LRRC4C: variants seen among roughly 807,000 people sequenced by gnomAD.
LRRC4C encodes the protein leucine rich repeat containing 4C.
A neutral mutation model predicts 33.6 loss-of-function variants in LRRC4C; 5 were observed. That is an observed-to-expected ratio of 0.15 (90% confidence interval 0.08 to 0.31). The LOEUF is 0.31. Ranked by LOEUF, LRRC4C falls within the 10% of genes least tolerant of loss-of-function variation. The probability of loss-of-function intolerance (pLI) is 1.00; values close to 1 mark genes in which losing one functional copy is unlikely to be tolerated. For synonymous variants in LRRC4C, 329 were observed against 302.0 expected (o/e 1.09, Z -0.93); for missense variants, 560 against 796.7 (o/e 0.70, Z 3.58).
intron 3 of LRRC4C, among the ~76,000 whole-genome samples, chr11:40,364,561 G>T (rs546033132): frequency 2.7e-4 from 41 of 152,034 alleles, no homozygotes; most frequent in South Asian, 1.9e-3. Context: ...GCAAGCAAAC[G>T]GAATACAAAT....
intron 1 of LRRC4C, among the ~76,000 whole-genome samples, chr11:41,119,894 C>T (rs531594867): frequency 1.3e-5 from 2 of 152,080 alleles, no homozygotes; most frequent in East Asian, 3.9e-4. Flanking sequence ...TCAGTTTTTG[C>T]TATTAAAAAA....
intron 3 of LRRC4C, among the ~76,000 whole-genome samples, chr11:40,465,629 T>C (rs1412998687): frequency 1.3e-5 from 2 of 151,738 alleles, no homozygotes; most frequent in East Asian, 3.9e-4. Flanking sequence ...CATCAAAAAG[T>C]GGGCAAAGTA....
In LRRC4C at chr11:40,945,023, CT is replaced by C. The variant is rs767515626; in HGVS notation, c.-495-11301del. Among the ~76,000 whole-genome samples the C allele has an allele frequency of 1.7e-3, 191 of 111,088 alleles. 2 individuals are homozygous for C. In the East Asian group the frequency reaches 0.019, roughly 11 times the overall value. The allele number at this position is 111,088 out of a possible 152,430, so 72.9% of individuals were successfully genotyped here. A position where few individuals can be genotyped will look rare whatever the true frequency, so the allele number is the denominator to read the frequency against. The stretch of plus-strand genomic sequence containing the variant: ...AGTGGTGTTCAACTTTGCAGTTTTT[CT>C]TTTTTTTTTTTTTTTTTTTTTGAGA... On this transcript the variant is annotated intron_variant, in intron 1 of 6. Transcript: ENST00000528697.
chr11:40,587,614 G>A (rs1293911777), intron 3 of LRRC4C, among the ~76,000 whole-genome samples: 1 of 149,536 alleles, frequency 6.7e-6, no homozygotes, highest in East Asian at 2.0e-4. Flanking sequence ...CTGTGGGTTT[G>A]TCATAGATAG....
intron 1 of LRRC4C, among the ~76,000 whole-genome samples, chr11:41,151,994 A>C (rs1590765576): frequency 6.6e-6 from 1 of 152,138 alleles, no homozygotes; most frequent in South Asian, 2.1e-4. Flanking sequence ...ACTTCCATTC[A>C]CCCAGACACA....
At chr11:40,371,250 C>T (rs541898908) in intron 3 of LRRC4C, among the ~76,000 whole-genome samples, 1 of 152,222 alleles carries the variant, frequency 6.6e-6, no homozygotes, top group South Asian at 2.1e-4. Flanking sequence ...CAAGCAATTT[C>T]ACAACATTAC....
chr11:41,184,927 G>T (rs1945623840), intron 1 of LRRC4C, among the ~76,000 whole-genome samples: 1 of 152,142 alleles, frequency 6.6e-6, no homozygotes, highest in Non-Finnish European at 1.5e-5. Flanking sequence ...GTGGATGGTG[G>T]CAGGCAAATA....
intron 3 of LRRC4C, among the ~76,000 whole-genome samples, chr11:40,596,769 T>C (rs1274636671): frequency 2.0e-5 from 3 of 152,194 alleles, no homozygotes; most frequent in East Asian, 1.9e-4. Context: ...GTTTTATCCA[T>C]GTGGTTGCAA....
intron 2 of LRRC4C, among the ~76,000 whole-genome samples, chr11:40,911,955 G>A (rs1369896799): frequency 6.6e-6 from 1 of 152,206 alleles, no homozygotes; most frequent in Non-Finnish European, 1.5e-5. Context: ...AGTGATGGAA[G>A]ATCAAATGAA....
intron 1 of LRRC4C, among the ~76,000 whole-genome samples, chr11:41,357,026 T>C (rs1952185762): frequency 6.6e-6 from 1 of 152,018 alleles, no homozygotes; most frequent in Non-Finnish European, 1.5e-5. Flanking sequence ...AGTGATTTGT[T>C]TACCTTGTTT....
rs79443435 is a variant in LRRC4C at position 41,174,591 on chromosome 11, C to T, written c.-495-240868G>A. Among the ~76,000 whole-genome samples, 14 of 152,022 alleles carry T rather than the reference C, an allele frequency of 9.2e-5. No homozygotes were observed. In the East Asian group the frequency reaches 2.5e-3, roughly 27 times the overall value. Reference sequence around the variant, plus strand: ...CTGCTCTGTTTTCCAGGATTATGTGCTATTGCAATTTTCTGTCATCATGTA... The same window carrying T: ...CTGCTCTGTTTTCCAGGATTATGTGTTATTGCAATTTTCTGTCATCATGTA... On this transcript the variant is annotated intron_variant, in intron 1 of 6. Coordinates refer to ENST00000528697, the MANE Select transcript of LRRC4C (RefSeq NM_001258419.2).
chr11:40,182,179 C>T (rs548221482), intron 5 of LRRC4C, among the ~76,000 whole-genome samples: 22 of 152,218 alleles, frequency 1.4e-4, no homozygotes, highest in Admixed American at 6.5e-4. Context: ...TTATTAAACA[C>T]TTTCTGCTAA....
At chr11:40,997,164 A>C (rs560281643) in intron 1 of LRRC4C, among the ~76,000 whole-genome samples, 4 of 152,230 alleles carry the variant, frequency 2.6e-5, no homozygotes, top group Non-Finnish European at 5.9e-5. Flanking sequence ...TAGTTGAAAA[A>C]CTGGAAGTTG....
chr11:41,136,536 G>A (rs1219853844), intron 1 of LRRC4C, among the ~76,000 whole-genome samples: 1 of 152,116 alleles, frequency 6.6e-6, no homozygotes, highest in Admixed American at 6.5e-5. Context: ...ATGTTAAGTT[G>A]GGCATTTAAG....
At chr11:41,241,900 T>C (rs1948265221) in intron 1 of LRRC4C, among the ~76,000 whole-genome samples, 1 of 152,194 alleles carries the variant, frequency 6.6e-6, no homozygotes, top group Admixed American at 6.5e-5. Flanking sequence ...AAATATTCCA[T>C]ATTAATATTC....
chr11:40,837,885 AC>A (rs1232607105), intron 2 of LRRC4C, among the ~76,000 whole-genome samples: 3 of 33,602 alleles, frequency 8.9e-5, no homozygotes, highest in Non-Finnish European at 2.2e-4. Flanking sequence ...TGATGCTTAA[AC>A]TATATATATA....
intron 3 of LRRC4C, among the ~76,000 whole-genome samples, chr11:40,642,601 T>A (rs538742695): frequency 6.6e-6 from 1 of 152,260 alleles, no homozygotes; most frequent in Admixed American, 6.5e-5. Context: ...AATGGCCCTG[T>A]ATTATTTGAT....
chr11:40,676,393 C>G, intron 2 of LRRC4C, among the ~76,000 whole-genome samples: 1 of 152,244 alleles, frequency 6.6e-6, no homozygotes, highest in Middle Eastern at 3.4e-3. Flanking sequence ...CTAATTTAAC[C>G]TCCTACACTG....
chr11:41,090,154 T>C (rs1940302718), intron 1 of LRRC4C, among the ~76,000 whole-genome samples: 1 of 152,076 alleles, frequency 6.6e-6, no homozygotes, highest in Non-Finnish European at 1.5e-5. Context: ...TTGCAATATA[T>C]CATTAAGTGA....
Sources: allele counts gnomAD v4.1 joint callset (sites outside exome capture counted in the v4.1 genomes callset), GRCh38; gene constraint gnomAD v4.1.1; transcripts MANE v1.5; gene names NCBI Gene and HGNC (gene_info 2026-07-23, HGNC 2026-07-21).